The following PAM variants were observed in gnomAD, a reference collection of about 807,000 sequenced individuals.
PAM encodes peptidylglycine alpha-amidating monooxygenase, also known as peptidyl-glycine alpha-amidating monooxygenase.
A neutral mutation model predicts 122.1 loss-of-function variants in PAM; 72 were observed. The ratio of observed to expected loss-of-function variants is 0.59; its 90% CI spans 0.49 to 0.72. The LOEUF (loss-of-function observed/expected upper bound fraction) is 0.72, where lower values mean the gene tolerates loss of function less well. Ranked by LOEUF, PAM falls within the 30% of genes least tolerant of loss-of-function variation. PAM has a pLI of 0.00. For synonymous variants in PAM, 389 were observed against 404.4 expected (o/e 0.96, Z 0.46); for missense variants, 1,106 against 1,183.7 (o/e 0.93, Z 0.96).
intron 7 of PAM, among the ~76,000 whole-genome samples, chr5:102,940,286 T>C (rs1031866806): frequency 4.6e-5 from 7 of 151,926 alleles, no homozygotes; most frequent in Admixed American, 1.3e-4. Context: ...TCAAAGCTCT[T>C]CAATCCCTTT....
intron 1 of PAM, among the ~76,000 whole-genome samples, chr5:102,765,315 A>T (rs1300931998): frequency 6.6e-6 from 1 of 152,258 alleles, no homozygotes; most frequent in Non-Finnish European, 1.5e-5. Flanking sequence ...TAAGATGAAG[A>T]TACCAAGCCT....
intron 1 of PAM, among the ~76,000 whole-genome samples, chr5:102,788,611 T>G (rs1378570020): frequency 6.6e-6 from 1 of 152,092 alleles, no homozygotes; most frequent in Non-Finnish European, 1.5e-5. Context: ...AAATTAATTT[T>G]TGTTAAGTAT....
intron 3 of PAM, among the ~76,000 whole-genome samples, chr5:102,888,532 A>G (rs1793838782): frequency 6.6e-6 from 1 of 151,954 alleles, no homozygotes; most frequent in Non-Finnish European, 1.5e-5. Flanking sequence ...ATCTGGTTTT[A>G]TTCAGTCTAC....
chr5:102,968,503 T>C (rs1764787648), intron 14 of PAM, among the ~76,000 whole-genome samples: 1 of 152,224 alleles, frequency 6.6e-6, no homozygotes. Flanking sequence ...TGCTAAGCTC[T>C]CAAGAAATTT....
At chr5:102,999,604 C>A (rs1039854409) in intron 16 of PAM, among the ~76,000 whole-genome samples, 1 of 152,230 alleles carries the variant, frequency 6.6e-6, no homozygotes, top group African/African-American at 2.4e-5. Flanking sequence ...CAGAAAACTT[C>A]TTCCTGGACC....
At chr5:102,852,047 A>T (rs923708849) in intron 1 of PAM, among the ~76,000 whole-genome samples, 2 of 152,242 alleles carry the variant, frequency 1.3e-5, no homozygotes, top group Non-Finnish European at 2.9e-5. Context: ...TATACCCAGC[A>T]TAACCAATGT....
intron 1 of PAM, among the ~76,000 whole-genome samples, chr5:102,858,875 A>G (rs1783316279): frequency 6.6e-6 from 1 of 152,198 alleles, no homozygotes; most frequent in Non-Finnish European, 1.5e-5. Context: ...ACTCAGTGTC[A>G]CGACACATAT....
chr5:102,814,236 G>T (rs898787226), intron 1 of PAM, among the ~76,000 whole-genome samples: 1 of 152,118 alleles, frequency 6.6e-6, no homozygotes, highest in Non-Finnish European at 1.5e-5. Context: ...AATTTATGCT[G>T]CAATTTAAGC....
intron 17 of PAM, among the ~76,000 whole-genome samples, chr5:103,004,479 C>T (rs184794103): frequency 1.1e-4 from 17 of 152,230 alleles, no homozygotes; most frequent in Admixed American, 9.8e-4. Context: ...GCTAACAGAG[C>T]TATTGGATTG....
intron 1 of PAM, among the ~76,000 whole-genome samples, chr5:102,795,590 A>G (rs571490564): frequency 3.9e-5 from 6 of 152,322 alleles, no homozygotes; most frequent in Admixed American, 2.0e-4. Flanking sequence ...CTTTTGACAA[A>G]TGAAGAAATC....
chr5:102,937,329 G>T (rs1313329106), intron 7 of PAM, among the ~76,000 whole-genome samples: 1 of 151,926 alleles, frequency 6.6e-6, no homozygotes, highest in Non-Finnish European at 1.5e-5. Context: ...TATATGTGTT[G>T]ACAGACACTA....
chr5:102,874,976 A>G (rs1169082504), intron 3 of PAM, among the ~76,000 whole-genome samples: 2 of 152,156 alleles, frequency 1.3e-5, no homozygotes, highest in African/African-American at 4.8e-5. Flanking sequence ...ATACAGATTT[A>G]CTTGAATCTG....
intron 3 of PAM, among the ~76,000 whole-genome samples, chr5:102,896,892 A>G (rs1022884966): frequency 2.0e-5 from 3 of 151,442 alleles, no homozygotes; most frequent in Non-Finnish European, 4.4e-5. Flanking sequence ...CTTTGGTATA[A>G]TTTTCTTTTG....
At position 102,990,380 on chromosome 5, in the gene PAM, G is replaced by T. The variant is rs1321948943; in HGVS notation, c.1592G>T (p.Gly531Val). The T allele has an allele frequency of 1.2e-6, 2 of 1,603,808 alleles. No individual in the cohort carries two copies. The highest frequency in any genetic ancestry group is 2.2e-5 in the East Asian group (1 of 44,736). The change falls in exon 16 of 26, where the codon GGT (glycine) becomes GTT (valine). Residue 531 changes from glycine to valine, a missense_variant. Gly to Val is a moderately radical substitution (Grantham distance 109). This residue lies in a region of PAM where 670 missense variants were observed against 690.3 expected (regional missense o/e 0.97). Coordinates refer to ENST00000438793, the MANE Select transcript of PAM (RefSeq NM_001177306.2). The stretch of plus-strand genomic sequence containing the variant: ...AATAACCTGGTGATTTTCCACAGAG[G>T]TGACCATGTCTGGGATGGAAAGTAA... ...PKNNLVIFHR[G>V]DHVWDGNSFD...
At chr5:102,979,131 A>T (rs991249198) in intron 15 of PAM, among the ~76,000 whole-genome samples, 1 of 152,074 alleles carries the variant, frequency 6.6e-6, no homozygotes, top group African/African-American at 2.4e-5. Flanking sequence ...TCATCTGATT[A>T]TCTCAGGCTA....
intron 1 of PAM, among the ~76,000 whole-genome samples, chr5:102,782,142 C>T (rs1353019351): frequency 6.6e-6 from 1 of 152,198 alleles, no homozygotes; most frequent in Non-Finnish European, 1.5e-5. Flanking sequence ...AACCTGAACA[C>T]TTTAGAACAC....
intron 9 of PAM, 37 bp downstream of exon 9, chr5:102,948,482 T>C (rs369498225): frequency 6.4e-6 from 6 of 941,640 alleles, no homozygotes; most frequent in Non-Finnish European, 1.0e-5. Context: ...CATTACCTCA[T>C]TACCTAATCT....
chr5:102,819,220 A>G (rs1425999364), intron 1 of PAM, among the ~76,000 whole-genome samples: 1 of 152,154 alleles, frequency 6.6e-6, no homozygotes, highest in African/African-American at 2.4e-5. Flanking sequence ...AAGTGATGAA[A>G]TATGTGTGAA....
chr5:102,763,636 G>A (rs146057056), intron 1 of PAM, among the ~76,000 whole-genome samples: 8 of 152,316 alleles, frequency 5.3e-5, no homozygotes, highest in Admixed American at 2.0e-4. Context: ...GTATGAGTAG[G>A]AGAATGTGAG....
Sources: allele counts gnomAD v4.1 joint callset (sites outside exome capture counted in the v4.1 genomes callset), GRCh38; gene constraint gnomAD v4.1.1; regional missense constraint gnomAD v4.1.1; transcripts MANE v1.5; gene names NCBI Gene and HGNC (gene_info 2026-07-23, HGNC 2026-07-21).